Variants in INPP5F observed in about 807,000 individuals in gnomAD.
INPP5F encodes the protein phosphatidylinositide 4-phosphatase SAC2.
Under a neutral mutation model 137.2 loss-of-function variants are expected in INPP5F, and 97 were observed. The ratio of observed to expected loss-of-function variants is 0.71; its 90% CI spans 0.60 to 0.84. The LOEUF (loss-of-function observed/expected upper bound fraction) is 0.84, where lower values mean the gene tolerates loss of function less well. Among genes scored for constraint, INPP5F ranks in the 40% least tolerant of loss-of-function variants. The pLI is 0.00. For missense variants in INPP5F, 1,271 were observed against 1,371.9 expected, an observed-to-expected ratio of 0.93 and a Z score of 1.16; for synonymous variants, 504 against 476.9, an observed-to-expected ratio of 1.06 and a Z score of -0.74.
chr10:119,738,011 A>G (rs2134106853), intron 1 of INPP5F, among the ~76,000 whole-genome samples: 2 of 152,274 alleles, frequency 1.3e-5, no homozygotes, highest in Middle Eastern at 3.4e-3. Flanking sequence ...CCATCTTGGA[A>G]TGAGTGACTC....
intron 2 of INPP5F, among the ~76,000 whole-genome samples, chr10:119,777,171 A>G (rs935186870): frequency 6.6e-6 from 1 of 152,132 alleles, no homozygotes; most frequent in African/African-American, 2.4e-5. Flanking sequence ...CTGGGATTAC[A>G]GGGATGACCC....
intron 3 of INPP5F, among the ~76,000 whole-genome samples, chr10:119,791,008 G>C (rs1346172250): frequency 6.6e-6 from 1 of 152,190 alleles, no homozygotes; most frequent in East Asian, 1.9e-4. Flanking sequence ...GTGCATGTGA[G>C]CGTAGGAGGA....
At chr10:119,820,520 C>T (rs1022006158) in intron 15 of INPP5F, among the ~76,000 whole-genome samples, 2 of 152,148 alleles carry the variant, frequency 1.3e-5, no homozygotes, top group Non-Finnish European at 2.9e-5. Context: ...CTTTCTTCTT[C>T]CCTTAACTGC....
Position 119,827,260 on chromosome 10 carries a change from G to A in INPP5F, c.2879G>A (p.Cys960Tyr). Residue 960 changes from cysteine to tyrosine, a missense_variant, in exon 20 of 20, where the codon TGC (cysteine) becomes TAC (tyrosine). By Grantham distance (194) the Cys-to-Tyr change is radical. Transcript: ENST00000650623. The stretch of plus-strand genomic sequence containing the variant: ...TTTGCCAAGCCTATGGATATTTACT[G>A]CCACAGATTTGTGCAAGATGCACAG... ...TGFAKPMDIY[C>Y]HRFVQDAQNK... 1 of 1,614,092 alleles carries A rather than the reference G, an allele frequency of 6.2e-7. No individual in the cohort carries two copies. Among genetic ancestry groups the A allele is most frequent in the Admixed American group, 1.7e-5 (1 of 60,006 alleles).
chr10:119,739,838 T>A (rs535608015), intron 1 of INPP5F, among the ~76,000 whole-genome samples: 70 of 152,294 alleles, frequency 4.6e-4, no homozygotes, highest in African/African-American at 1.7e-3. Context: ...CAGACTGGTC[T>A]TGAACTCCTG....
intron 1 of INPP5F, among the ~76,000 whole-genome samples, chr10:119,749,859 A>G (rs1190712623): frequency 1.3e-5 from 2 of 152,182 alleles, no homozygotes; most frequent in African/African-American, 2.4e-5. Flanking sequence ...GCTCGCTGCA[A>G]CCTTCACCTC....
intron 1 of INPP5F, among the ~76,000 whole-genome samples, chr10:119,730,370 G>T (rs192220401): frequency 6.6e-6 from 1 of 152,082 alleles, no homozygotes; most frequent in Non-Finnish European, 1.5e-5. Flanking sequence ...CCGGCCTCCC[G>T]AAGTGCTGGG....
At chr10:119,727,122 G>A (rs1847917551) in intron 1 of INPP5F, among the ~76,000 whole-genome samples, 1 of 152,186 alleles carries the variant, frequency 6.6e-6, no homozygotes, top group Admixed American at 6.5e-5. Flanking sequence ...CCCTCAGAGC[G>A]CTGACAGTCC....
chr10:119,763,934 A>G (rs1241729310), intron 2 of INPP5F, among the ~76,000 whole-genome samples: 1 of 152,224 alleles, frequency 6.6e-6, no homozygotes, highest in Non-Finnish European at 1.5e-5. Context: ...GTTCTTTGCC[A>G]CTTTATAACC....
chr10:119,731,581 T>C (rs1564796681), intron 1 of INPP5F, among the ~76,000 whole-genome samples: 1 of 152,204 alleles, frequency 6.6e-6, no homozygotes, highest in East Asian at 1.9e-4. Context: ...CAAGAATCGA[T>C]TGAACCTGGG....
chr10:119,818,102 C>T (rs1851358382), intron 15 of INPP5F, among the ~76,000 whole-genome samples: 1 of 152,240 alleles, frequency 6.6e-6, no homozygotes. Context: ...CTGTCCTGGC[C>T]CTTCTCCCAT....
At chr10:119,735,260 A>AT (rs1010748544) in intron 1 of INPP5F, among the ~76,000 whole-genome samples, 11 of 151,950 alleles carry the variant, frequency 7.2e-5, no homozygotes, top group African/African-American at 2.7e-4. Context: ...GTTCCCTGAT[A>AT]TTTTTTTCTT....
At chr10:119,772,163 G>T (rs1849386912) in intron 2 of INPP5F, among the ~76,000 whole-genome samples, 1 of 151,690 alleles carries the variant, frequency 6.6e-6, no homozygotes, top group Non-Finnish European at 1.5e-5. Flanking sequence ...CTCCCAAAGT[G>T]CTGGGATTAC....
chr10:119,791,543 TAAC>T lies in INPP5F; in HGVS notation c.345_347del (p.Asn115del). 1 of 1,602,638 alleles carries T rather than the reference TAAC, an allele frequency of 6.2e-7. No homozygotes were observed. The highest frequency in any genetic ancestry group is 8.5e-7 in the Non-Finnish European group (1 of 1,171,024). ...TCTGTAAGAAGCATCATTTTGGTAT[TAAC>T]AAACCAGAGAAGATCATACCATCTC... On this transcript the variant is annotated inframe_deletion, in exon 4 of 20. Coordinates refer to ENST00000650623, the MANE Select transcript of INPP5F (RefSeq NM_014937.4).
At chr10:119,771,731 CAA>C (rs1355692137) in intron 2 of INPP5F, among the ~76,000 whole-genome samples, 1 of 150,742 alleles carries the variant, frequency 6.6e-6, no homozygotes, top group African/African-American at 2.4e-5. Context: ...TTACTTTTAA[CAA>C]AGAGATTTCT....
chr10:119,772,821 G>A (rs565641820), intron 2 of INPP5F, among the ~76,000 whole-genome samples: 213 of 151,930 alleles, frequency 1.4e-3, no homozygotes, highest in African/African-American at 4.7e-3. Flanking sequence ...TTGGCTCACC[G>A]CAACCTCCAC....
chr10:119,740,246 T>C (rs546597626), intron 1 of INPP5F, among the ~76,000 whole-genome samples: 106 of 152,296 alleles, frequency 7.0e-4, no homozygotes, highest in African/African-American at 2.4e-3. Flanking sequence ...AGATTCTCCC[T>C]CTCTCCTGTG....
intron 13 of INPP5F, among the ~76,000 whole-genome samples, chr10:119,809,336 T>C (rs533581259): frequency 6.6e-6 from 1 of 152,308 alleles, no homozygotes; most frequent in East Asian, 1.9e-4. Context: ...TATACCTTTT[T>C]TCTGTAATAG....
At chr10:119,778,484 A>AT (rs1390704710) in intron 2 of INPP5F, among the ~76,000 whole-genome samples, 1 of 151,692 alleles carries the variant, frequency 6.6e-6, no homozygotes, top group African/African-American at 2.4e-5. Context: ...TTCATAGACT[A>AT]TTTTTTGTTT....
Sources: gnomAD v4.1 joint callset for allele counts (sites outside exome capture counted in the v4.1 genomes callset) on GRCh38, gnomAD v4.1.1 for gene constraint, MANE v1.5 for transcripts, NCBI Gene and HGNC (gene_info 2026-07-23, HGNC 2026-07-21) for gene names.